Variants in LMNB1 observed in about 807,000 individuals in gnomAD.
The protein encoded by LMNB1 is lamin-B1.
Under a neutral mutation model 67.1 loss-of-function variants are expected in LMNB1, and 23 were observed. The observed-to-expected ratio is 0.34, with a 90% CI of 0.25 to 0.49. The LOEUF (loss-of-function observed/expected upper bound fraction) is 0.49. Among genes scored for constraint, LMNB1 ranks in the 20% least tolerant of loss-of-function variants. The pLI, the probability that LMNB1 is intolerant of heterozygous loss-of-function variation, is 0.99. For missense variants in LMNB1, 634 were observed against 746.5 expected (o/e 0.85, Z 1.76); for synonymous variants, 281 against 282.9 (o/e 0.99, Z 0.07).
chr5:126,792,865 C>T (rs1750996985), intron 1 of LMNB1, among the ~76,000 whole-genome samples: 1 of 151,946 alleles, frequency 6.6e-6, no homozygotes. Flanking sequence ...CATGAGCCAC[C>T]GCGCCCGGCA....
At chr5:126,796,225 G>C (rs996744827) in intron 1 of LMNB1, among the ~76,000 whole-genome samples, 19 of 151,966 alleles carry the variant, frequency 1.3e-4, no homozygotes, top group African/African-American at 4.1e-4. Flanking sequence ...TACCGTGCCC[G>C]GCCCTGGATG....
chr5:126,799,912 C>T (rs1751223592), intron 1 of LMNB1, among the ~76,000 whole-genome samples: 2 of 152,212 alleles, frequency 1.3e-5, no homozygotes, highest in African/African-American at 2.4e-5. Context: ...CTCTTGAGTT[C>T]TCTTCAGTGC....
Position 126,820,969 on chromosome 5 carries a change from G to A in LMNB1, c.1220G>A (p.Arg407His), listed in dbSNP as rs1222890335. 4.3e-6 allele frequency: 7 copies of A among 1,613,882 alleles called. No homozygotes were observed. The highest frequency in any genetic ancestry group is 5.1e-6 in the Non-Finnish European group (6 of 1,180,008). The part of the protein sequence containing the change: ...RVTVSRASSS[R>H]SVRTTRGKRK... ...ACAGTATCCCGAGCATCCTCAAGTC[G>A]TAGTGTACGTACAACTAGAGGAAAG... Residue 407 changes from arginine (R) to histidine (H), a missense_variant, in exon 7 of 11, where the codon CGT becomes CAT. Physicochemically the swap from Arg to His is conservative, Grantham distance 29. Coordinates refer to ENST00000261366, the MANE Select transcript of LMNB1 (RefSeq NM_005573.4).
At chr5:126,778,218 A>G (rs768494553) in intron 1 of LMNB1, among the ~76,000 whole-genome samples, 5 of 151,722 alleles carry the variant, frequency 3.3e-5, no homozygotes, top group Non-Finnish European at 7.4e-5. Context: ...CTCAGGCCCC[A>G]GGTGCGGGGA....
chr5:126,791,018 TC>T (rs1198712614), intron 1 of LMNB1, among the ~76,000 whole-genome samples: 3 of 152,024 alleles, frequency 2.0e-5, no homozygotes, highest in African/African-American at 7.3e-5. Context: ...CGAAACTCTG[TC>T]TCAATAAATA....
intron 9 of LMNB1, among the ~76,000 whole-genome samples, 183 bp from the exon 10 acceptor site, chr5:126,832,511 G>T (rs1752158919): frequency 6.6e-6 from 1 of 152,056 alleles, no homozygotes; most frequent in Non-Finnish European, 1.5e-5. Context: ...TGTTGGTCAG[G>T]CTGGTCTCTA....
chr5:126,793,296 C>CTCCTGTGCCTG (rs2112937023), intron 1 of LMNB1, among the ~76,000 whole-genome samples: 1 of 151,920 alleles, frequency 6.6e-6, no homozygotes, highest in South Asian at 2.1e-4. Flanking sequence ...CTGCTCCATA[C>CTCCTGTGCCTG]TCCTGTGCCT....
At chr5:126,778,011 G>T in intron 1 of LMNB1, 144 bp downstream of exon 1, 1 of 735,756 alleles carries the variant, frequency 1.4e-6, no homozygotes, top group Non-Finnish European at 2.0e-6. Flanking sequence ...TCGGTCTCCG[G>T]AAAGGAGAAA....
chr5:126,805,209 A>C (rs915038485), intron 2 of LMNB1, among the ~76,000 whole-genome samples: 5 of 152,130 alleles, frequency 3.3e-5, no homozygotes, highest in Admixed American at 3.3e-4. Context: ...CTCAAAGCCT[A>C]TTTTGTTAGT....
At chr5:126,800,222 G>A (rs1398102820) in intron 1 of LMNB1, among the ~76,000 whole-genome samples, 1 of 152,118 alleles carries the variant, frequency 6.6e-6, no homozygotes, top group East Asian at 1.9e-4. Context: ...TTCCAGTGTA[G>A]GAGACAGACA....
chr5:126,806,602 AAGAG>A (rs149759920), intron 3 of LMNB1, among the ~76,000 whole-genome samples: 2 of 150,746 alleles, frequency 1.3e-5, no homozygotes, highest in African/African-American at 2.4e-5. Flanking sequence ...AGTGATGAGA[AAGAG>A]AGAGAGAGAG....
intron 6 of LMNB1, chr5:126,819,383 G>T: frequency 3.1e-6 from 1 of 321,438 alleles, no homozygotes; most frequent in Non-Finnish European, 5.6e-6. Flanking sequence ...GGATGGATTA[G>T]TTCCTTTGAG....
At chr5:126,779,973 A>C (rs1388517819) in intron 1 of LMNB1, among the ~76,000 whole-genome samples, 2 of 151,432 alleles carry the variant, frequency 1.3e-5, no homozygotes, top group African/African-American at 4.9e-5. Flanking sequence ...CGGATATTGC[A>C]GTGAGCTGAG....
intron 1 of LMNB1, among the ~76,000 whole-genome samples, chr5:126,794,150 C>T (rs1403724291): frequency 1.3e-5 from 2 of 152,160 alleles, no homozygotes; most frequent in East Asian, 3.9e-4. Flanking sequence ...GTCTCTAACT[C>T]CTGACCTCAG....
chr5:126,822,438 T>G (rs563554174), intron 7 of LMNB1, among the ~76,000 whole-genome samples: 1 of 152,370 alleles, frequency 6.6e-6, no homozygotes, highest in South Asian at 2.1e-4. Flanking sequence ...AATCCAATAC[T>G]TGATGTTTAA....
At chr5:126,786,961 GA>G (rs1303255349) in intron 1 of LMNB1, among the ~76,000 whole-genome samples, 2 of 152,096 alleles carry the variant, frequency 1.3e-5, no homozygotes, top group Non-Finnish European at 2.9e-5. Flanking sequence ...TAATTTAAAA[GA>G]AATTAAAACC....
At chr5:126,780,370 A>C (rs1317593477) in intron 1 of LMNB1, among the ~76,000 whole-genome samples, 4 of 152,232 alleles carry the variant, frequency 2.6e-5, no homozygotes, top group Non-Finnish European at 4.4e-5. Flanking sequence ...AAGCATTTTG[A>C]TGCTGGCGCT....
At chr5:126,792,315 G>C (rs1160297803) in intron 1 of LMNB1, among the ~76,000 whole-genome samples, 1 of 150,958 alleles carries the variant, frequency 6.6e-6, no homozygotes, top group Non-Finnish European at 1.5e-5. Context: ...GCTAACTTTT[G>C]TATTTTTAGT....
chr5:126,819,555 T>G (rs1002099314), intron 6 of LMNB1, among the ~76,000 whole-genome samples: 2 of 151,760 alleles, frequency 1.3e-5, no homozygotes, highest in Admixed American at 6.6e-5. Context: ...AGTGGTGTGA[T>G]TCTCGGCTCA....
Sources: gnomAD v4.1 joint callset for allele counts (sites outside exome capture counted in the v4.1 genomes callset) on GRCh38, gnomAD v4.1.1 for gene constraint, MANE v1.5 for transcripts, NCBI Gene and HGNC (gene_info 2026-07-23, HGNC 2026-07-21) for gene names.